The following CCDC7 variants were observed in gnomAD, a reference collection of about 807,000 sequenced individuals.
CCDC7 encodes coiled-coil domain-containing protein 7.
Under a neutral mutation model 196.9 loss-of-function variants are expected in CCDC7, and 183 were observed. The observed-to-expected ratio is 0.93, with a 90% confidence interval of 0.82 to 1.05. The LOEUF (loss-of-function observed/expected upper bound fraction) is 1.05. Among genes scored for constraint, CCDC7 ranks in the 50% least tolerant of loss-of-function variants. The pLI, the probability that CCDC7 is intolerant of heterozygous loss-of-function variation, is 0.00. For missense variants in CCDC7, 1,540 were observed against 1,482.2 expected (o/e 1.04, Z -0.64); for synonymous variants, 525 against 484.6 (o/e 1.08, Z -1.10).
chr10:32,600,152 T>G (rs1001223073), intron 18 of CCDC7, among the ~76,000 whole-genome samples: 1 of 151,028 alleles, frequency 6.6e-6, no homozygotes, highest in African/African-American at 2.4e-5. Flanking sequence ...TTCTGTACAA[T>G]AGGCAGTATG....
chr10:32,802,424 A>AT, intron 29 of CCDC7, among the ~76,000 whole-genome samples: 1 of 152,258 alleles, frequency 6.6e-6, no homozygotes, highest in East Asian at 1.9e-4. Flanking sequence ...AATCCTTAGC[A>AT]TTTTTGGGTC....
chr10:32,748,294 C>T (rs1201427163), intron 28 of CCDC7, among the ~76,000 whole-genome samples: 1 of 152,070 alleles, frequency 6.6e-6, no homozygotes, highest in Non-Finnish European at 1.5e-5. Context: ...ATAATTTGTA[C>T]ACCTAACTCC....
intron 41 of CCDC7, among the ~76,000 whole-genome samples, chr10:32,873,775 T>G (rs535332548): frequency 7.2e-5 from 11 of 151,962 alleles, no homozygotes; most frequent in African/African-American, 2.6e-4. Flanking sequence ...GTGTAGGAAA[T>G]TTATGTTTAA....
At chr10:32,753,822 G>T (rs1431168870) in intron 28 of CCDC7, among the ~76,000 whole-genome samples, 1 of 152,034 alleles carries the variant, frequency 6.6e-6, no homozygotes, top group Non-Finnish European at 1.5e-5. Context: ...GACAAGAAAT[G>T]TTGAAAATTG....
intron 9 of CCDC7, among the ~76,000 whole-genome samples, chr10:32,500,512 C>T (rs2043804720): frequency 6.6e-6 from 1 of 151,924 alleles, no homozygotes; most frequent in Non-Finnish European, 1.5e-5. Flanking sequence ...AGACGCTCCT[C>T]ACTTCCTAGA....
At chr10:32,501,797 C>A (rs1446746770) in intron 9 of CCDC7, among the ~76,000 whole-genome samples, 1 of 152,202 alleles carries the variant, frequency 6.6e-6, no homozygotes, top group African/African-American at 2.4e-5. Flanking sequence ...GAGGTATCTC[C>A]CAGTCTGGAT....
intron 18 of CCDC7, among the ~76,000 whole-genome samples, chr10:32,610,126 A>T (rs2061948101): frequency 6.6e-6 from 1 of 151,842 alleles, no homozygotes; most frequent in Non-Finnish European, 1.5e-5. Context: ...TTATTTTGAG[A>T]CGGAGTCTTG....
At chr10:32,655,667 C>G (rs563324699) in intron 20 of CCDC7, among the ~76,000 whole-genome samples, 47 of 152,172 alleles carry the variant, frequency 3.1e-4, no homozygotes, top group African/African-American at 1.1e-3. Flanking sequence ...GCTGGAACTA[C>G]TTGGGATGCC....
chr10:32,736,546 C>G (rs1037889278), intron 28 of CCDC7, among the ~76,000 whole-genome samples: 2 of 152,168 alleles, frequency 1.3e-5, no homozygotes, highest in South Asian at 2.1e-4. Context: ...CCCGCTCCCC[C>G]CACCCCACAA....
chr10:32,825,590 T>A (rs1400056679), intron 32 of CCDC7, among the ~76,000 whole-genome samples: 2 of 152,166 alleles, frequency 1.3e-5, no homozygotes, highest in South Asian at 2.1e-4. Flanking sequence ...CCCTAACTGA[T>A]ACAGATTTTG....
At chr10:32,830,196 C>T (rs190486620) in intron 32 of CCDC7, among the ~76,000 whole-genome samples, 32 of 119,600 alleles carry the variant, frequency 2.7e-4, no homozygotes, top group African/African-American at 8.3e-4. Flanking sequence ...TACATCTGTG[C>T]CCACAGAGGA....
At chr10:32,454,815 G>C (rs569913389) in intron 2 of CCDC7, among the ~76,000 whole-genome samples, 4 of 151,946 alleles carry the variant, frequency 2.6e-5, no homozygotes, top group Non-Finnish European at 4.4e-5. Flanking sequence ...CTAATCTGTG[G>C]CCACCACCTC....
intron 31 of CCDC7, among the ~76,000 whole-genome samples, chr10:32,819,135 C>T (rs1024600025): frequency 7.9e-5 from 12 of 152,122 alleles, no homozygotes; most frequent in Non-Finnish European, 1.5e-4. Flanking sequence ...AAGGGGATAT[C>T]ACCATTGATC....
At chr10:32,593,184 A>G (rs1403601081) in intron 18 of CCDC7, among the ~76,000 whole-genome samples, 2 of 152,100 alleles carry the variant, frequency 1.3e-5, no homozygotes, top group Non-Finnish European at 1.5e-5. Context: ...AAGCATTCCT[A>G]TTTCTCCACA....
chr10:32,638,855 G>C (rs2066167213), intron 20 of CCDC7, among the ~76,000 whole-genome samples: 1 of 152,072 alleles, frequency 6.6e-6, no homozygotes, highest in Non-Finnish European at 1.5e-5. Flanking sequence ...GAATCCATCT[G>C]GTCCTGGACT....
At chr10:32,856,211 T>C (rs988729820) in intron 41 of CCDC7, among the ~76,000 whole-genome samples, 5 of 152,136 alleles carry the variant, frequency 3.3e-5, no homozygotes, top group Admixed American at 3.3e-4. Context: ...AAAATAGACA[T>C]GTTAGAATTT....
At chr10:32,822,522 C>G (rs919438442) in intron 31 of CCDC7, among the ~76,000 whole-genome samples, 6 of 151,912 alleles carry the variant, frequency 3.9e-5, no homozygotes, top group African/African-American at 1.5e-4. Context: ...ATTTAAAAGG[C>G]ATAAAGTTAT....
intron 8 of CCDC7, among the ~76,000 whole-genome samples, chr10:32,484,275 C>T (rs2040559288): frequency 6.6e-6 from 1 of 151,984 alleles, no homozygotes; most frequent in South Asian, 2.1e-4. Flanking sequence ...ATGGGAGTTC[C>T]CTCATGATTT....
intron 1 of CCDC7, 133 bp from the exon 3 acceptor site, chr10:32,453,205 ATTTAAG>A (rs2033537882): frequency 7.4e-6 from 4 of 542,756 alleles, no homozygotes; most frequent in South Asian, 1.6e-4. Context: ...GGGATGAAAA[ATTTAAG>A]TTTATGGCAC....
Sources: allele counts gnomAD v4.1 joint callset (sites outside exome capture counted in the v4.1 genomes callset), GRCh38; gene constraint gnomAD v4.1.1; transcripts MANE v1.5; gene names NCBI Gene and HGNC (gene_info 2026-07-23, HGNC 2026-07-21).